ERCC6L2: variants seen among roughly 807,000 people sequenced by gnomAD.
The protein encoded by ERCC6L2 is DNA excision repair protein ERCC-6-like 2.
In ERCC6L2, 77 loss-of-function variants were observed where a neutral mutation model predicts 132.0. The observed-to-expected ratio is 0.58, with a 90% CI of 0.49 to 0.71. The LOEUF (loss-of-function observed/expected upper bound fraction) is 0.71, where lower values mean the gene tolerates loss of function less well. Among genes scored for constraint, ERCC6L2 ranks in the 30% least tolerant of loss-of-function variants. The pLI, the probability that ERCC6L2 is intolerant of heterozygous loss-of-function variation, is 0.00. For synonymous variants in ERCC6L2, 583 were observed against 632.4 expected (o/e 0.92, Z 1.17); for missense variants, 1,542 against 1,837.6 (o/e 0.84, Z 2.94).
intron 2 of ERCC6L2, among the ~76,000 whole-genome samples, chr9:95,891,279 CTTT>C (rs1828149656): frequency 6.6e-6 from 1 of 152,126 alleles, no homozygotes; most frequent in African/African-American, 2.4e-5. Flanking sequence ...TACGTACATA[CTTT>C]TTAACTTTTT....
At chr9:95,894,389 ATTAT>A (rs1448306329) in intron 2 of ERCC6L2, among the ~76,000 whole-genome samples, 1 of 152,108 alleles carries the variant, frequency 6.6e-6, no homozygotes, top group African/African-American at 2.4e-5. Context: ...ATTGTTACTC[ATTAT>A]TTAATTCAAA....
intron 1 of ERCC6L2, 37 bp downstream of exon 1, chr9:95,876,121 G>C: frequency 2.6e-6 from 4 of 1,535,796 alleles, no homozygotes; most frequent in Non-Finnish European, 3.5e-6. Context: ...GCAGAGGCCT[G>C]TGTACTGCGT....
intron 16 of ERCC6L2, among the ~76,000 whole-genome samples, chr9:95,976,228 T>C (rs1832666173): frequency 6.6e-6 from 1 of 152,168 alleles, no homozygotes; most frequent in African/African-American, 2.4e-5. Context: ...CTTGCTTTGC[T>C]CTAGGTCTTT....
At chr9:96,005,548 G>A (rs1242051195) in intron 18 of ERCC6L2, among the ~76,000 whole-genome samples, 1 of 151,880 alleles carries the variant, frequency 6.6e-6, no homozygotes, top group African/African-American at 2.4e-5. Context: ...ACCATGCAAA[G>A]AACCGGAGTA....
intron 12 of ERCC6L2, 91 bp downstream of exon 12, chr9:95,941,640 G>A: frequency 1.1e-6 from 1 of 909,162 alleles, no homozygotes; most frequent in Non-Finnish European, 1.7e-6. Context: ...CTATGACTAT[G>A]ATTAGAAGAA....
intron 13 of ERCC6L2, among the ~76,000 whole-genome samples, chr9:95,963,603 T>C (rs1248149435): frequency 6.6e-6 from 1 of 152,126 alleles, no homozygotes; most frequent in Non-Finnish European, 1.5e-5. Context: ...CTGTAATCCA[T>C]AGGACCCATT....
intron 11 of ERCC6L2, among the ~76,000 whole-genome samples, chr9:95,930,584 C>CT (rs1830290593): frequency 6.6e-6 from 1 of 152,180 alleles, no homozygotes; most frequent in Non-Finnish European, 1.5e-5. Flanking sequence ...GATTAGGCTA[C>CT]TTTCACTACT....
At position 95,972,752 on chromosome 9, in the gene ERCC6L2, T is replaced by C. The variant is rs1028869974; in HGVS notation, c.3001T>C (p.Leu1001=). 17 of 1,303,360 alleles carry C rather than the reference T, an allele frequency of 1.3e-5. No individual in the cohort carries two copies. Among genetic ancestry groups the C allele is most frequent in the African/African-American group, 7.6e-5 (5 of 65,890 alleles). 80.7% of individuals were successfully genotyped at this position (1,303,360 alleles called of 1,614,324 possible). The change falls in exon 16 of 19, where the codon TTG becomes CTG. Residue 1001 remains leucine, a synonymous_variant. Transcript: ENST00000653738. ...AAGAGTAAGAAAGAGAGCTAGTTCA[T>C]TGAGGTTTAAGAGAATAAAAGAAAC... ...KSRVRKRASS[L]RFKRIKETKK... is the part of the protein sequence containing the mutation.
At chr9:95,899,758 A>G (rs1401682510) in intron 3 of ERCC6L2, among the ~76,000 whole-genome samples, 6 of 151,628 alleles carry the variant, frequency 4.0e-5, no homozygotes, top group Admixed American at 1.3e-4. Flanking sequence ...CAAGTCCTTG[A>G]TATAAAATAG....
intron 16 of ERCC6L2, among the ~76,000 whole-genome samples, chr9:95,975,812 A>G (rs1375208332): frequency 6.6e-6 from 1 of 151,244 alleles, no homozygotes. Context: ...GTTTCTCTTA[A>G]GGCTTATCTG....
At chr9:95,944,707 G>C (rs1830969271) in intron 12 of ERCC6L2, among the ~76,000 whole-genome samples, 1 of 152,022 alleles carries the variant, frequency 6.6e-6, no homozygotes, top group South Asian at 2.1e-4. Context: ...GTGTCGGCCG[G>C]TCTGAGAAAT....
At chr9:95,907,316 C>A in intron 4 of ERCC6L2, 45 bp downstream of exon 4, 23 of 1,031,292 alleles carry the variant, frequency 2.2e-5, no homozygotes, top group Non-Finnish European at 2.9e-5. Context: ...TAATAGTCTA[C>A]TTACATCCCT....
At chr9:95,955,020 G>C (rs1216909242) in intron 12 of ERCC6L2, 4 of 394,454 alleles carry the variant, frequency 1.0e-5, no homozygotes, top group South Asian at 1.9e-5. Flanking sequence ...AAGCATATAG[G>C]CAGTATGGCC....
At chr9:95,926,879 A>T (rs1033877221) in intron 9 of ERCC6L2, among the ~76,000 whole-genome samples, 22 of 152,230 alleles carry the variant, frequency 1.4e-4, no homozygotes, top group African/African-American at 5.3e-4. Flanking sequence ...TAATATTATT[A>T]ATACAGATAT....
chr9:95,912,896 A>AACCAC (rs1829408162), intron 4 of ERCC6L2, among the ~76,000 whole-genome samples: 2 of 152,212 alleles, frequency 1.3e-5, no homozygotes, highest in Non-Finnish European at 2.9e-5. Flanking sequence ...CAAAGGCTTA[A>AACCAC]ATAGATTCAG....
chr9:96,022,465 A>G (rs1834308054), downstream of ERCC6L2, among the ~76,000 whole-genome samples: 1 of 152,062 alleles, frequency 6.6e-6, no homozygotes, highest in Admixed American at 6.5e-5. Flanking sequence ...CGGTATTCGT[A>G]TTGTTTTATA....
At chr9:95,945,896 TAGAA>T (rs1394071686) in intron 12 of ERCC6L2, among the ~76,000 whole-genome samples, 1 of 152,002 alleles carries the variant, frequency 6.6e-6, no homozygotes, top group Non-Finnish European at 1.5e-5. Flanking sequence ...AAACTTTTTT[TAGAA>T]AGAAGGAGAA....
chr9:96,006,252 T>C (rs910670128), intron 18 of ERCC6L2, among the ~76,000 whole-genome samples: 2 of 152,224 alleles, frequency 1.3e-5, no homozygotes, highest in African/African-American at 4.8e-5. Flanking sequence ...AGGCAGCAGC[T>C]ACTTCTGGAG....
intron 11 of ERCC6L2, among the ~76,000 whole-genome samples, chr9:95,933,428 A>G (rs1426896740): frequency 6.6e-6 from 1 of 152,198 alleles, no homozygotes; most frequent in East Asian, 1.9e-4. Context: ...CTGAGCACTG[A>G]ACTTTCAATC....
Sources: allele counts gnomAD v4.1 joint callset (sites outside exome capture counted in the v4.1 genomes callset), GRCh38; gene constraint gnomAD v4.1.1; transcripts MANE v1.5; gene names NCBI Gene and HGNC (gene_info 2026-07-23, HGNC 2026-07-21).